METAP2: variants seen among roughly 807,000 people sequenced by gnomAD.
METAP2 encodes the protein methionyl aminopeptidase 2, also known as methionine aminopeptidase 2.
Under a neutral mutation model 59.4 loss-of-function variants are expected in METAP2, and 25 were observed. The ratio of observed to expected loss-of-function variants is 0.42; its 90% CI spans 0.31 to 0.59. METAP2 has a LOEUF of 0.59. Among genes scored for constraint, METAP2 ranks in the 20% least tolerant of loss-of-function variants. The pLI is 0.16. For synonymous variants in METAP2, 214 were observed against 194.1 expected (o/e 1.10, Z -0.85); for missense variants, 366 against 581.2 (o/e 0.63, Z 3.81).
chr12:95,512,404 C>G (rs532409703), intron 9 of METAP2, among the ~76,000 whole-genome samples: 1 of 152,174 alleles, frequency 6.6e-6, no homozygotes, highest in East Asian at 1.9e-4. Flanking sequence ...CAGGTAGAGA[C>G]TTCAAGAGAT....
At chr12:95,511,397 T>TG (rs2076401280) in intron 8 of METAP2, among the ~76,000 whole-genome samples, 1 of 139,570 alleles carries the variant, frequency 7.2e-6, no homozygotes. Flanking sequence ...CCGTTTTTTT[T>TG]TTTTTTTTTT....
At chr12:95,496,977 A>G (rs1027633208) in intron 7 of METAP2, among the ~76,000 whole-genome samples, 2 of 151,732 alleles carry the variant, frequency 1.3e-5, no homozygotes, top group African/African-American at 4.8e-5. Flanking sequence ...GGCACGCACA[A>G]CCACTCCCGG....
chr12:95,481,404 C>T (rs2140139925), intron 2 of METAP2, among the ~76,000 whole-genome samples: 1 of 152,242 alleles, frequency 6.6e-6, no homozygotes, highest in East Asian at 1.9e-4. Flanking sequence ...GAGTGAGACC[C>T]TGTCACAGAA....
intron 9 of METAP2, among the ~76,000 whole-genome samples, chr12:95,512,588 T>A (rs2076411412): frequency 6.6e-6 from 1 of 152,146 alleles, no homozygotes; most frequent in Admixed American, 6.6e-5. Flanking sequence ...GGCACGTGCC[T>A]GTAGTCCCAC....
At chr12:95,487,380 C>T (rs2076205073) in intron 4 of METAP2, among the ~76,000 whole-genome samples, 1 of 152,062 alleles carries the variant, frequency 6.6e-6, no homozygotes, top group African/African-American at 2.4e-5. Flanking sequence ...CACCTGCTCC[C>T]TCATTTCCAG....
intron 6 of METAP2, among the ~76,000 whole-genome samples, chr12:95,495,445 G>A (rs2076269465): frequency 6.7e-6 from 1 of 150,256 alleles, no homozygotes; most frequent in Non-Finnish European, 1.5e-5. Context: ...TTAGGTCATT[G>A]TTTCATATCT....
Position 95,476,055 on chromosome 12 carries a change from A to G in METAP2, c.152-16A>G, listed in dbSNP as rs201989616. 20 of 1,509,922 alleles carry G rather than the reference A, an allele frequency of 1.3e-5. No individual in the cohort carries two copies. In the Admixed American group the frequency reaches 2.9e-4, roughly 22 times the overall value. 93.5% of individuals were successfully genotyped at this position (1,509,922 alleles called of 1,614,324 possible). A position where few individuals can be genotyped will look rare whatever the true frequency, so the allele number is the denominator to read the frequency against. On this transcript the variant is annotated splice_polypyrimidine_tract_variant and intron_variant, in intron 1 of 10. Coordinates refer to ENST00000323666, the MANE Select transcript of METAP2 (RefSeq NM_006838.4). The stretch of plus-strand genomic sequence containing the variant: ...GTCTGTATTAGATTTGATTTCTGCT[A>G]TTTTATTTTGATCAGCAGGGGAACA...
chr12:95,483,798 A>G (rs548689310), intron 3 of METAP2, among the ~76,000 whole-genome samples: 6 of 152,184 alleles, frequency 3.9e-5, no homozygotes, highest in South Asian at 2.1e-4. Flanking sequence ...AAGTGGTGCC[A>G]TGGTGGTGGT....
chr12:95,490,274 T>TG (rs2076227762), intron 4 of METAP2, among the ~76,000 whole-genome samples: 1 of 146,460 alleles, frequency 6.8e-6, no homozygotes. Flanking sequence ...GCATAGTAGT[T>TG]TTTTTTTTTT....
rs987354620 is a variant in METAP2, at chr12:95,502,749, T to C, written c.868-1316T>C. Among the ~76,000 whole-genome samples the C allele has an allele frequency of 3.3e-5, 5 of 152,098 alleles. 1 individual carries two copies. The highest frequency in any genetic ancestry group is 6.5e-5 in the Admixed American group (1 of 15,268). On this transcript the variant is annotated intron_variant, in intron 7 of 10. Transcript: ENST00000323666. ...TACAGGTCCCTGAGGTTCTGTTCAC[T>C]TTAATCTTTTTTATTCTTAGACTTG... is the stretch of plus-strand genomic sequence containing the variant.
intron 4 of METAP2, among the ~76,000 whole-genome samples, chr12:95,488,668 G>A (rs55931515): frequency 6.6e-6 from 1 of 151,986 alleles, no homozygotes; most frequent in African/African-American, 2.4e-5. Flanking sequence ...TTCCAGTGCA[G>A]AGTCAGTTTA....
intron 4 of METAP2, 107 bp downstream of exon 4, chr12:95,486,088 T>C: frequency 1.3e-6 from 1 of 773,550 alleles, no homozygotes; most frequent in Non-Finnish European, 2.0e-6. Context: ...TAATAAATGC[T>C]TATAAATTTG....
rs377479105 is a variant in METAP2, at chr12:95,512,781, G to C, written c.1069-20G>C. The C allele has an allele frequency of 1.5e-6, 2 of 1,351,114 alleles. No individual in the cohort carries two copies. Among genetic ancestry groups the C allele is most frequent in the Non-Finnish European group, 2.1e-6 (2 of 945,156 alleles). The allele number at this position is 1,351,114 out of a possible 1,614,324, so 83.7% of individuals were successfully genotyped here. The stretch of plus-strand genomic sequence containing the variant: ...GAATTTTTCTTCTTTCTCTCCCCTT[G>C]ACCCTTATTTATTTTTCAGGAAGGA... On this transcript the variant is annotated intron_variant, in intron 9 of 10. Coordinates refer to ENST00000323666, the MANE Select transcript of METAP2 (RefSeq NM_006838.4).
intron 7 of METAP2, among the ~76,000 whole-genome samples, chr12:95,501,268 T>TC (rs2140157708): frequency 6.6e-6 from 1 of 152,224 alleles, no homozygotes; most frequent in Non-Finnish European, 1.5e-5. Flanking sequence ...TCACAAGCCA[T>TC]CCTCCCACCT....
chr12:95,499,342 T>C (rs1041375528), intron 7 of METAP2, among the ~76,000 whole-genome samples: 9 of 152,178 alleles, frequency 5.9e-5, no homozygotes, highest in Admixed American at 5.2e-4. Context: ...AGTCTCACTG[T>C]GTTGCTCAGG....
chr12:95,501,002 T>C (rs1017447663), intron 7 of METAP2, among the ~76,000 whole-genome samples: 2 of 146,116 alleles, frequency 1.4e-5, no homozygotes, highest in African/African-American at 5.1e-5. Context: ...TTTTCCTTTG[T>C]TGGGATTTTT....
rs200617355 is a variant in METAP2, at chr12:95,494,237, G to T, written c.590+20G>T. ...AATCTGGTAAAAGGAATACTTCTTC[G>T]TAAGAACATGATAAAAAATGTTTTA... On this transcript the variant is annotated intron_variant, in intron 5 of 10. Transcript: ENST00000323666. The T allele has an allele frequency of 8.5e-5, 136 of 1,600,810 alleles. No individual in the cohort carries two copies. The highest frequency in any genetic ancestry group is 1.1e-4 in the Non-Finnish European group (128 of 1,171,736).
At chr12:95,486,346 G>A (rs1225052398) in intron 4 of METAP2, among the ~76,000 whole-genome samples, 1 of 152,046 alleles carries the variant, frequency 6.6e-6, no homozygotes, top group Non-Finnish European at 1.5e-5. Flanking sequence ...AGTGATATAA[G>A]GGTTGATGTC....
intron 2 of METAP2, among the ~76,000 whole-genome samples, chr12:95,478,937 G>A (rs2076139892): frequency 6.6e-6 from 1 of 152,160 alleles, no homozygotes; most frequent in Admixed American, 6.5e-5. Context: ...GCCAAGCACA[G>A]TGGCTGGTGC....
Sources: gnomAD v4.1 joint callset for allele counts (sites outside exome capture counted in the v4.1 genomes callset) on GRCh38, gnomAD v4.1.1 for gene constraint, MANE v1.5 for transcripts, NCBI Gene and HGNC (gene_info 2026-07-23, HGNC 2026-07-21) for gene names.